The following CNOT6L variants were observed in gnomAD, a reference collection of about 807,000 sequenced individuals.
CNOT6L encodes CCR4-NOT transcription complex subunit 6 like.
Under a neutral mutation model 64.0 loss-of-function variants are expected in CNOT6L, and 7 were observed. The ratio of observed to expected loss-of-function variants is 0.11; its 90% CI spans 0.06 to 0.21. The LOEUF (loss-of-function observed/expected upper bound fraction) is 0.21, where lower values mean the gene tolerates loss of function less well. CNOT6L is among the 10% of genes least tolerant of loss of function. The pLI, the probability that CNOT6L is intolerant of heterozygous loss-of-function variation, is 1.00. For synonymous variants in CNOT6L, 193 were observed against 243.4 expected (o/e 0.79, Z 1.93); for missense variants, 245 against 669.0 (o/e 0.37, Z 6.99).
At chr4:77,788,531 C>T (rs1560426004) in intron 1 of CNOT6L, among the ~76,000 whole-genome samples, 1 of 152,218 alleles carries the variant, frequency 6.6e-6, no homozygotes, top group East Asian at 1.9e-4. Context: ...AGTTCAAGAC[C>T]AGCCTGGGCA....
chr4:77,732,182 T>G (rs998118103), intron 8 of CNOT6L, among the ~76,000 whole-genome samples: 6 of 152,040 alleles, frequency 3.9e-5, no homozygotes, highest in Admixed American at 6.6e-5. Flanking sequence ...TTCTGCAAGA[T>G]GAAGAAATGA....
At position 77,794,637 on chromosome 4, in the gene CNOT6L, A is replaced by C. The variant is rs545437803; in HGVS notation, c.6-18245T>G. Among the ~76,000 whole-genome samples, 77 of 152,322 alleles carry C rather than the reference A, an allele frequency of 5.1e-4. 1 individual carries two copies. Among genetic ancestry groups the C allele is most frequent in the Non-Finnish European group, 8.7e-4 (59 of 68,040 alleles). ...AAAAGTGAATTTACTTAGCCTGATA[A>C]ATGGCATCAATGAAAAATCTATAGC... On this transcript the variant is annotated intron_variant, in intron 1 of 11. Transcript: ENST00000504123.
At chr4:77,724,928 T>G (rs1380309476) in intron 11 of CNOT6L, among the ~76,000 whole-genome samples, 1 of 117,832 alleles carries the variant, frequency 8.5e-6, no homozygotes, top group African/African-American at 2.7e-5. Context: ...TCTTCCCAAC[T>G]CTATGTTCAA....
intron 10 of CNOT6L, among the ~76,000 whole-genome samples, chr4:77,727,562 CAAAAAAAAAAAAAAA>C (rs55848621): frequency 1.2e-4 from 10 of 84,598 alleles, no homozygotes; most frequent in South Asian, 4.5e-4. Flanking sequence ...AACTCTGTCT[CAAAAAAAAAAAAAAA>C]AAAAAAAAAA....
intron 5 of CNOT6L, 145 bp downstream of exon 5, chr4:77,756,717 G>A (rs568000901): frequency 3.6e-4 from 184 of 505,154 alleles, no homozygotes; most frequent in Middle Eastern, 2.7e-3. Context: ...AAAGAAGAAT[G>A]TTCCACTAAC....
At chr4:77,751,217 G>T (rs1306225709) in intron 5 of CNOT6L, among the ~76,000 whole-genome samples, 2 of 151,964 alleles carry the variant, frequency 1.3e-5, no homozygotes, top group African/African-American at 2.4e-5. Context: ...GTATCAAATA[G>T]ATATTATCCA....
At chr4:77,807,195 T>A (rs1350330836) in intron 1 of CNOT6L, among the ~76,000 whole-genome samples, 1 of 150,156 alleles carries the variant, frequency 6.7e-6, no homozygotes, top group African/African-American at 2.5e-5. Context: ...GGAGAATCGC[T>A]TGAACCAGGG....
rs1491546561 is a variant in CNOT6L at position 77,722,986 on chromosome 4, TAA to T, written c.1456-2345_1456-2344del. 3.0e-3 allele frequency among the ~76,000 whole-genome samples: 167 copies of T among 55,320 alleles called. 1 individual carries two copies. The highest frequency in any genetic ancestry group is 6.2e-3 in the African/African-American group (153 of 24,706). 36.3% of individuals were successfully genotyped at this position (55,320 alleles called of 152,430 possible). A position where few individuals can be genotyped will look rare whatever the true frequency, so the allele number is the denominator to read the frequency against. ...AAAAGTCAAAACACAACGAAAATAT[TAA>T]TAGTCTGTTACCACTATGCTAAGCT... On this transcript the variant is annotated intron_variant, in intron 11 of 11. Coordinates refer to ENST00000504123, the MANE Select transcript of CNOT6L (RefSeq NM_144571.3).
intron 4 of CNOT6L, among the ~76,000 whole-genome samples, chr4:77,769,135 A>G (rs1354362243): frequency 1.3e-5 from 2 of 152,222 alleles, no homozygotes; most frequent in Admixed American, 1.3e-4. Context: ...CTGAATCATA[A>G]AAACATAAGG....
chr4:77,781,863 C>T (rs987091759), intron 1 of CNOT6L, among the ~76,000 whole-genome samples: 1 of 152,140 alleles, frequency 6.6e-6, no homozygotes, highest in East Asian at 1.9e-4. Flanking sequence ...AGGATTCAGA[C>T]TAAAAATCCT....
At chr4:77,795,580 C>T (rs953465451) in intron 1 of CNOT6L, among the ~76,000 whole-genome samples, 1 of 152,064 alleles carries the variant, frequency 6.6e-6, no homozygotes, top group African/African-American at 2.4e-5. Flanking sequence ...CCCTTCACTC[C>T]TGTTCTTTCT....
intron 3 of CNOT6L, among the ~76,000 whole-genome samples, chr4:77,774,104 A>T (rs986980925): frequency 6.6e-6 from 1 of 152,228 alleles, no homozygotes; most frequent in Non-Finnish European, 1.5e-5. Context: ...ATCCCTAAAA[A>T]TTAGAAATAA....
chr4:77,804,618 T>C (rs1476383583), intron 1 of CNOT6L, among the ~76,000 whole-genome samples: 2 of 152,174 alleles, frequency 1.3e-5, no homozygotes, highest in East Asian at 3.9e-4. Flanking sequence ...TAACTGGAAC[T>C]AACTGACATA....
chr4:77,783,198 C>T (rs1217690080), intron 1 of CNOT6L, among the ~76,000 whole-genome samples: 1 of 148,166 alleles, frequency 6.7e-6, no homozygotes, highest in South Asian at 2.1e-4. Flanking sequence ...CAAAGTCACT[C>T]ATCATTATTG....
At chr4:77,808,923 G>C (rs1264982305) in intron 1 of CNOT6L, among the ~76,000 whole-genome samples, 1 of 152,086 alleles carries the variant, frequency 6.6e-6, no homozygotes, top group Non-Finnish European at 1.5e-5. Flanking sequence ...AATTCAAATA[G>C]ATCTGGTTGT....
intron 1 of CNOT6L, among the ~76,000 whole-genome samples, chr4:77,776,933 T>C (rs1379433500): frequency 1.3e-5 from 2 of 152,114 alleles, no homozygotes; most frequent in Non-Finnish European, 2.9e-5. Flanking sequence ...ACAGCCCAAA[T>C]TGCTGCTGGC....
chr4:77,785,552 C>T (rs1440122170), intron 1 of CNOT6L, among the ~76,000 whole-genome samples: 1 of 151,836 alleles, frequency 6.6e-6, no homozygotes, highest in Non-Finnish European at 1.5e-5. Context: ...ATAAAGAACT[C>T]TCAAAACAAA....
Position 77,720,390 on chromosome 4 carries a change from T to C in CNOT6L, c.*41A>G, listed in dbSNP as rs371317773. ...ATACTTTGATTTACAACTGTACAGG[T>C]CCATAGCAACAGATCCCCGTCTTGG... On this transcript the variant is annotated 3_prime_UTR_variant, in exon 12 of 12. Transcript: ENST00000504123. The C allele has an allele frequency of 1.9e-6, 3 of 1,603,944 alleles. No homozygotes were observed. In the Admixed American group the frequency reaches 5.0e-5, roughly 27 times the overall value.
At chr4:77,820,231 C>A (rs140468232), upstream of CNOT6L, among the ~76,000 whole-genome samples, 170 of 152,158 alleles carry the variant, frequency 1.1e-3, no homozygotes, top group African/African-American at 3.2e-3. Context: ...AGTGCGAGAA[C>A]GAGGAGGGTT....
Sources: allele counts gnomAD v4.1 joint callset (sites outside exome capture counted in the v4.1 genomes callset), GRCh38; gene constraint gnomAD v4.1.1; transcripts MANE v1.5; gene names NCBI Gene and HGNC (gene_info 2026-07-23, HGNC 2026-07-21).